NAV1: variants seen among roughly 807,000 people sequenced by gnomAD.
The protein encoded by NAV1 is pore membrane and/or filament interacting like protein 3.
Under a neutral mutation model 175.2 loss-of-function variants are expected in NAV1, and 18 were observed. The ratio of observed to expected loss-of-function variants is 0.10; its 90% CI spans 0.07 to 0.15. NAV1 has a LOEUF of 0.15. Ranked by LOEUF, NAV1 falls within the 10% of genes least tolerant of loss-of-function variation. The probability of loss-of-function intolerance (pLI) is 1.00; values close to 1 mark genes in which losing one functional copy is unlikely to be tolerated. For synonymous variants in NAV1, 897 were observed against 978.7 expected (o/e 0.92, Z 1.56); for missense variants, 1,731 against 2,436.6 (o/e 0.71, Z 6.10).
At chr1:201,561,353 C>T (rs1290843633) in intron 1 of NAV1, among the ~76,000 whole-genome samples, 2 of 152,176 alleles carry the variant, frequency 1.3e-5, no homozygotes, top group African/African-American at 2.4e-5. Context: ...AGAAGGTAAA[C>T]GAATCTGCCC....
At chr1:201,645,736 T>C (rs967967194), upstream of NAV1, among the ~76,000 whole-genome samples, 4 of 152,210 alleles carry the variant, frequency 2.6e-5, no homozygotes, top group East Asian at 7.7e-4. Flanking sequence ...GCCAGTGAAT[T>C]TCCCTTTGTC....
chr1:201,629,846 G>T (rs1355539819), intron 2 of NAV1, among the ~76,000 whole-genome samples: 2 of 152,098 alleles, frequency 1.3e-5, no homozygotes, highest in Non-Finnish European at 2.9e-5. Flanking sequence ...AAAAATGAAG[G>T]TGCTGGAATT....
chr1:201,637,150 A>G (rs10800789), intron 2 of NAV1, among the ~76,000 whole-genome samples: 44,988 of 152,102 alleles, frequency 0.3, 7,310 homozygotes, highest in African/African-American at 0.41. Flanking sequence ...GCACAGAAGT[A>G]CCAACTGAGA....
intron 1 of NAV1, among the ~76,000 whole-genome samples, chr1:201,665,988 C>T (rs531944469): frequency 2.4e-4 from 37 of 152,162 alleles, no homozygotes; most frequent in African/African-American, 8.7e-4. Flanking sequence ...CTTGAACTCA[C>T]GTGTAAAGGA....
chr1:201,814,081 C>A (rs55835025), intron 28 of NAV1, among the ~76,000 whole-genome samples: 12,244 of 151,378 alleles, frequency 0.081, 541 homozygotes, highest in Admixed American at 0.11. Flanking sequence ...AACAAACAAA[C>A]AAAAAAACTT....
At position 201,807,392 on chromosome 1, in the gene NAV1, T is replaced by G. The variant is rs182902517; in HGVS notation, c.3649-561T>G. Among the ~76,000 whole-genome samples, 555 of 152,318 alleles carry G rather than the reference T, an allele frequency of 3.6e-3. 1 individual carries two copies. The highest frequency in any genetic ancestry group is 6.5e-3 in the Non-Finnish European group (439 of 68,030). Reference sequence around the variant, plus strand: ...TGTCAGTTTCTGGTTGACAGATGACTAGATGAACAGATTCTGGGCTGATGA... The same window carrying G: ...TGTCAGTTTCTGGTTGACAGATGACGAGATGAACAGATTCTGGGCTGATGA... On this transcript the variant is annotated intron_variant, in intron 17 of 29. Transcript: ENST00000367296. The surrounding 1 kb of genome is among the most constrained non-coding windows in gnomAD (Gnocchi z 5.4).
At chr1:201,599,711 T>C (rs953556338) in intron 2 of NAV1, among the ~76,000 whole-genome samples, 1 of 152,184 alleles carries the variant, frequency 6.6e-6, no homozygotes, top group Non-Finnish European at 1.5e-5. Context: ...GCTCTGATTC[T>C]CTTCAGCGCC....
At chr1:201,648,389 C>T in exon 1 of NAV1, 1 of 1,228,336 alleles carries the variant, frequency 8.1e-7, no homozygotes, top group Non-Finnish European at 1.0e-6. Context: ...TCCCCGCCGC[C>T]CCGCCCCTTT....
exon 30 of NAV1, chr1:201,823,670 A>C (rs896108136): frequency 2.6e-5 from 4 of 152,194 alleles, no homozygotes; most frequent in Admixed American, 6.5e-5. Flanking sequence ...CCAACTTTCC[A>C]ACTGATCTAT....
At chr1:201,634,834 T>G (rs1483371389) in intron 2 of NAV1, among the ~76,000 whole-genome samples, 1 of 152,116 alleles carries the variant, frequency 6.6e-6, no homozygotes, top group Non-Finnish European at 1.5e-5. Context: ...GTGTGAGTGA[T>G]TCTACGTGGT....
chr1:201,557,462 G>A (rs1666058783), intron 1 of NAV1, among the ~76,000 whole-genome samples: 1 of 152,192 alleles, frequency 6.6e-6, no homozygotes, highest in Non-Finnish European at 1.5e-5. Flanking sequence ...TCCCCATGGG[G>A]AGATCACTTA....
chr1:201,599,637 T>G (rs1667462870), intron 2 of NAV1, among the ~76,000 whole-genome samples: 1 of 152,054 alleles, frequency 6.6e-6, no homozygotes, highest in African/African-American at 2.4e-5. Flanking sequence ...CTCCATGAAT[T>G]TTGCGTCTGT....
intron 1 of NAV1, among the ~76,000 whole-genome samples, chr1:201,681,346 T>C (rs1454305846): frequency 6.6e-6 from 1 of 152,242 alleles, no homozygotes; most frequent in Non-Finnish European, 1.5e-5. Context: ...TAGGAAACTC[T>C]GGGTTGAGAA....
chr1:201,564,776 G>A (rs1666303748), intron 1 of NAV1, among the ~76,000 whole-genome samples: 1 of 152,252 alleles, frequency 6.6e-6, no homozygotes, highest in Admixed American at 6.5e-5. Context: ...CAGCAGGGCT[G>A]TGTTCCTACC....
chr1:201,649,524 C>G (rs1236925884), intron 1 of NAV1, 99 bp downstream of exon 5: 8 of 1,430,542 alleles, frequency 5.6e-6, no homozygotes, highest in Non-Finnish European at 7.3e-6. Context: ...CTTGCGCCTT[C>G]CCGGAGGGCC....
At chr1:201,784,868 T>C (rs558947769) in intron 7 of NAV1, among the ~76,000 whole-genome samples, 52 of 151,552 alleles carry the variant, frequency 3.4e-4, no homozygotes, top group South Asian at 6.3e-4. Flanking sequence ...CCTGGGTTCA[T>C]GCCATTCTCC....
At chr1:201,743,765 G>A (rs116451936) in intron 3 of NAV1, among the ~76,000 whole-genome samples, 23 of 152,024 alleles carry the variant, frequency 1.5e-4, no homozygotes, top group Admixed American at 1.4e-3. Flanking sequence ...ACTTAAATTC[G>A]TCATTGCCCA....
At chr1:201,648,154 C>T (rs935536338), upstream of NAV1, 37 of 779,830 alleles carry the variant, frequency 4.7e-5, no homozygotes, top group Non-Finnish European at 5.6e-5. Flanking sequence ...CTTCCCCTTC[C>T]CTCCTTCCTC....
At chr1:201,540,701 T>C (rs556378942) in intron 1 of NAV1, among the ~76,000 whole-genome samples, 2 of 152,360 alleles carry the variant, frequency 1.3e-5, no homozygotes, top group Non-Finnish European at 2.9e-5. Context: ...AGGGAACAGC[T>C]CTATGGATTT....
Sources: gnomAD v4.1 joint callset for allele counts (sites outside exome capture counted in the v4.1 genomes callset) on GRCh38, gnomAD v4.1.1 for gene constraint, Gnocchi (gnomAD v3.1) non-coding constraint, MANE v1.5 for transcripts, NCBI Gene and HGNC (gene_info 2026-07-23, HGNC 2026-07-21) for gene names.